PSMD14: variants seen among roughly 807,000 people sequenced by gnomAD.
PSMD14 encodes the protein ubiquitin C-terminal hydrolase PSMD14.
A neutral mutation model predicts 41.2 loss-of-function variants in PSMD14; 7 were observed. The observed-to-expected ratio is 0.17, with a 90% confidence interval of 0.10 to 0.32. The LOEUF is 0.32. PSMD14 is among the 10% of genes least tolerant of loss of function. PSMD14 has a pLI of 1.00. For synonymous variants in PSMD14, 114 were observed against 122.3 expected (o/e 0.93, Z 0.45); for missense variants, 139 against 375.6 (o/e 0.37, Z 5.21).
chr2:161,341,765 G>T (rs2105242351), intron 3 of PSMD14, among the ~76,000 whole-genome samples: 1 of 150,408 alleles, frequency 6.6e-6, no homozygotes, highest in African/African-American at 2.4e-5. Flanking sequence ...CTTGAACCCG[G>T]GAGGCAAAGG....
chr2:161,325,605 A>C (rs1309370929), intron 3 of PSMD14, among the ~76,000 whole-genome samples: 1 of 152,234 alleles, frequency 6.6e-6, no homozygotes, highest in Admixed American at 6.5e-5. Context: ...TTAATCATAC[A>C]TTCAACCCAG....
intron 3 of PSMD14, among the ~76,000 whole-genome samples, chr2:161,329,946 A>T (rs1429215046): frequency 3.9e-5 from 6 of 152,180 alleles, no homozygotes; most frequent in Non-Finnish European, 4.4e-5. Flanking sequence ...GGGTTCTCAG[A>T]TAAGTAAAAG....
intron 7 of PSMD14, chr2:161,383,279 C>T (rs1683591347): frequency 6.6e-6 from 1 of 151,898 alleles, no homozygotes; most frequent in African/African-American, 2.4e-5. Context: ...GGTTGTTGAA[C>T]ATGTTAGTTT....
At chr2:161,380,790 G>T (rs557509891) in intron 7 of PSMD14, among the ~76,000 whole-genome samples, 1 of 152,122 alleles carries the variant, frequency 6.6e-6, no homozygotes, top group South Asian at 2.1e-4. Flanking sequence ...AATTTTTTAT[G>T]CTGTGGGCTT....
intron 3 of PSMD14, among the ~76,000 whole-genome samples, chr2:161,341,721 C>A (rs934379791): frequency 3.3e-5 from 5 of 151,380 alleles, no homozygotes; most frequent in Non-Finnish European, 7.4e-5. Flanking sequence ...TGCCTGTAGT[C>A]CCAGCTACTC....
intron 3 of PSMD14, among the ~76,000 whole-genome samples, chr2:161,339,460 G>A (rs1208843481): frequency 6.8e-6 from 1 of 147,526 alleles, no homozygotes; most frequent in African/African-American, 2.5e-5. Flanking sequence ...TTCATGTGTT[G>A]CCTGGTTTTT....
intron 3 of PSMD14, among the ~76,000 whole-genome samples, chr2:161,339,777 G>C (rs1398723693): frequency 1.3e-5 from 2 of 152,288 alleles, no homozygotes; most frequent in African/African-American, 4.8e-5. Flanking sequence ...CATGTGGCCT[G>C]TTCTCCCCTA....
chr2:161,344,636 C>A (rs866042560), intron 3 of PSMD14, among the ~76,000 whole-genome samples: 402 of 17,822 alleles, frequency 0.023, 4 homozygotes, highest in African/African-American at 0.059. Flanking sequence ...TTCTGGTGTT[C>A]TTCTTTTTAT....
At chr2:161,319,000 C>T (rs961224731) in intron 3 of PSMD14, 127 bp downstream of exon 3, 27 of 613,728 alleles carry the variant, frequency 4.4e-5, no homozygotes, top group Non-Finnish European at 3.5e-5. Flanking sequence ...AGAATCTTAC[C>T]TTATTGATGT....
chr2:161,333,761 G>A (rs560806075), intron 3 of PSMD14, among the ~76,000 whole-genome samples: 1 of 152,338 alleles, frequency 6.6e-6, no homozygotes, highest in South Asian at 2.1e-4. Flanking sequence ...TGCCAGGTGT[G>A]GTGGCTCACG....
At position 161,385,574 on chromosome 2, in the gene PSMD14, A is replaced by G; in HGVS notation, c.570+3A>G. 1 of 1,554,204 alleles carries G rather than the reference A, an allele frequency of 6.4e-7. No homozygotes were observed. Among genetic ancestry groups the G allele is most frequent in the Non-Finnish European group, 8.9e-7 (1 of 1,127,462 alleles). ...ACTTAAACAAGCCATCTATCCAGGT[A>G]TTGCCTATATTTGATAATGTGTTAA... On this transcript the variant is annotated splice_donor_region_variant and intron_variant, in intron 8 of 11. Transcript: ENST00000409682.
intron 3 of PSMD14, among the ~76,000 whole-genome samples, chr2:161,360,915 A>G (rs1683281291): frequency 3.9e-5 from 6 of 152,196 alleles, no homozygotes; most frequent in Admixed American, 3.3e-4. Context: ...TGGTTTTAGT[A>G]TTTTTAATTT....
In PSMD14 at chr2:161,398,415, A is replaced by T. The variant is rs16845825; in HGVS notation, c.771+3212A>T. On this transcript the variant is annotated intron_variant, in intron 10 of 11. Transcript: ENST00000409682. The stretch of plus-strand genomic sequence containing the variant: ...CCCAAGTTTTCAGTTTCAAGTCTGA[A>T]TTCCACACAAATTCTGCTTGATTAT... 4.5e-3 allele frequency among the ~76,000 whole-genome samples: 691 copies of T among 152,180 alleles called. 39 individuals are homozygous for T. In the East Asian group the frequency reaches 0.11, roughly 25 times the overall value.
At chr2:161,362,612 T>A (rs914889612) in intron 3 of PSMD14, among the ~76,000 whole-genome samples, 7 of 152,218 alleles carry the variant, frequency 4.6e-5, no homozygotes, top group African/African-American at 1.7e-4. Flanking sequence ...GGATGTTTTT[T>A]AAAAATTGAG....
chr2:161,332,703 A>C (rs550884043), intron 3 of PSMD14, among the ~76,000 whole-genome samples: 2 of 152,350 alleles, frequency 1.3e-5, no homozygotes, highest in African/African-American at 4.8e-5. Context: ...TTTTTAGAAC[A>C]TACTGATCCC....
chr2:161,329,733 T>C (rs1682757729), intron 3 of PSMD14, among the ~76,000 whole-genome samples: 1 of 152,212 alleles, frequency 6.6e-6, no homozygotes, highest in Non-Finnish European at 1.5e-5. Flanking sequence ...TGTGAGGTTA[T>C]AATTTTATTA....
At chr2:161,378,120 G>C (rs1233319283) in intron 7 of PSMD14, among the ~76,000 whole-genome samples, 2 of 151,900 alleles carry the variant, frequency 1.3e-5, no homozygotes, top group African/African-American at 4.8e-5. Context: ...TCTTGTCATT[G>C]TAATTTTCTA....
chr2:161,327,565 G>A (rs1159765443), intron 3 of PSMD14, among the ~76,000 whole-genome samples: 2 of 151,946 alleles, frequency 1.3e-5, no homozygotes, highest in African/African-American at 4.8e-5. Context: ...ATGTCTTTAT[G>A]ACCTCAAGAT....
chr2:161,328,423 T>C (rs1006176478), intron 3 of PSMD14, among the ~76,000 whole-genome samples: 1 of 152,070 alleles, frequency 6.6e-6, no homozygotes, highest in Non-Finnish European at 1.5e-5. Flanking sequence ...TTAAAAAACA[T>C]AAAGTAACAC....
Sources: gnomAD v4.1 joint callset for allele counts (sites outside exome capture counted in the v4.1 genomes callset) on GRCh38, gnomAD v4.1.1 for gene constraint, MANE v1.5 for transcripts, NCBI Gene and HGNC (gene_info 2026-07-23, HGNC 2026-07-21) for gene names.